FSTL5: variants seen among roughly 807,000 people sequenced by gnomAD.
FSTL5 encodes follistatin like 5, also known as follistatin-related protein 5.
A neutral mutation model predicts 89.1 loss-of-function variants in FSTL5; 62 were observed. The observed-to-expected ratio is 0.70, with a 90% CI of 0.57 to 0.86. The LOEUF (loss-of-function observed/expected upper bound fraction) is 0.86. Among genes scored for constraint, FSTL5 ranks in the 40% least tolerant of loss-of-function variants. The pLI is 0.00. For missense variants in FSTL5, 1,057 were observed against 1,001.6 expected, an observed-to-expected ratio of 1.06 and a Z score of -0.75; for synonymous variants, 383 against 346.2, an observed-to-expected ratio of 1.11 and a Z score of -1.18.
At chr4:162,098,104 C>T (rs943043099) in intron 2 of FSTL5, among the ~76,000 whole-genome samples, 2 of 151,896 alleles carry the variant, frequency 1.3e-5, no homozygotes, top group Non-Finnish European at 2.9e-5. Context: ...GCATAGTTAT[C>T]TACACTGGGT....
intron 15 of FSTL5, among the ~76,000 whole-genome samples, chr4:161,434,287 C>T (rs1016585303): frequency 6.6e-6 from 1 of 151,992 alleles, no homozygotes; most frequent in East Asian, 1.9e-4. Context: ...ACAAAGGTGC[C>T]AAGAACATAC....
rs375756150 is a variant in FSTL5, at chr4:162,153,745, A to ATGTATATATGTATATATGT, written c.-17+9869_-17+9870insACATATATACATATATACA. Among the ~76,000 whole-genome samples the ATGTATATATGTATATATGT allele has an allele frequency of 4.6e-5, 5 of 109,848 alleles. No homozygotes were observed. In the East Asian group the frequency reaches 1.1e-3, roughly 25 times the overall value. The allele number at this position is 109,848 out of a possible 152,430, so 72.1% of individuals were successfully genotyped here. A position where few individuals can be genotyped will look rare whatever the true frequency, so the allele number is the denominator to read the frequency against. ...TAATATATGTATATATGTATATAAT[A>ATGTATATATGTATATATGT]ATATACATGTATATATACATGTATA... On this transcript the variant is annotated intron_variant, in intron 1 of 15. Transcript: ENST00000306100.
At chr4:161,802,023 C>T (rs2126830255) in intron 4 of FSTL5, among the ~76,000 whole-genome samples, 1 of 151,716 alleles carries the variant, frequency 6.6e-6, no homozygotes, top group Non-Finnish European at 1.5e-5. Context: ...ATTGAAAAGT[C>T]TCATGCCTTT....
chr4:161,995,325 T>C (rs1736256602), intron 3 of FSTL5, among the ~76,000 whole-genome samples: 1 of 152,142 alleles, frequency 6.6e-6, no homozygotes, highest in African/African-American at 2.4e-5. Flanking sequence ...TTTTTACAAA[T>C]AAGAAAACTG....
chr4:162,056,030 A>ATTT (rs1251602878), intron 2 of FSTL5, among the ~76,000 whole-genome samples: 6 of 151,986 alleles, frequency 3.9e-5, no homozygotes, highest in African/African-American at 1.2e-4. Context: ...CCAAAGAGTA[A>ATTT]GAAATAATTT....
At chr4:161,500,785 G>T (rs528656470) in intron 11 of FSTL5, among the ~76,000 whole-genome samples, 3 of 151,886 alleles carry the variant, frequency 2.0e-5, no homozygotes, top group African/African-American at 7.3e-5. Context: ...TTCACACTAC[G>T]GATCTGGATG....
chr4:161,403,846 A>G (rs1731268325), intron 15 of FSTL5, among the ~76,000 whole-genome samples: 1 of 152,236 alleles, frequency 6.6e-6, no homozygotes, highest in Non-Finnish European at 1.5e-5. Context: ...AGACTGCCAG[A>G]GTCAACTTTG....
intron 5 of FSTL5, among the ~76,000 whole-genome samples, chr4:161,769,059 G>A (rs1221152344): frequency 2.0e-5 from 3 of 151,816 alleles, no homozygotes; most frequent in African/African-American, 4.8e-5. Flanking sequence ...GCCCCTATGA[G>A]CAACTATATG....
At chr4:161,697,904 A>G (rs528515632) in intron 6 of FSTL5, among the ~76,000 whole-genome samples, 1 of 152,132 alleles carries the variant, frequency 6.6e-6, no homozygotes, top group Admixed American at 6.6e-5. Context: ...ATCAAGAATG[A>G]GGACACTGTC....
chr4:161,572,800 A>C (rs1733065624), intron 8 of FSTL5, among the ~76,000 whole-genome samples: 1 of 152,184 alleles, frequency 6.6e-6, no homozygotes, highest in Non-Finnish European at 1.5e-5. Context: ...GAACTCTACC[A>C]ACCCACAATC....
chr4:161,640,725 A>C (rs780743703), intron 7 of FSTL5, among the ~76,000 whole-genome samples: 12 of 134,204 alleles, frequency 8.9e-5, no homozygotes, highest in Admixed American at 5.5e-4. Flanking sequence ...GAAGGAGAAG[A>C]AGCAGAGAAA....
chr4:162,118,299 C>A (rs1369195805), intron 1 of FSTL5, among the ~76,000 whole-genome samples: 1 of 151,788 alleles, frequency 6.6e-6, no homozygotes, highest in Non-Finnish European at 1.5e-5. Flanking sequence ...CTCGCTCTGT[C>A]GCCCAGGCTG....
chr4:162,048,685 T>C (rs2111251882), intron 2 of FSTL5, among the ~76,000 whole-genome samples: 1 of 152,178 alleles, frequency 6.6e-6, no homozygotes, highest in South Asian at 2.1e-4. Context: ...CTTTTGTTGA[T>C]TTCAAGTAGA....
chr4:162,104,145 G>T (rs1387352859), intron 2 of FSTL5, among the ~76,000 whole-genome samples: 1 of 152,224 alleles, frequency 6.6e-6, no homozygotes, highest in Non-Finnish European at 1.5e-5. Flanking sequence ...GGTATCTGCT[G>T]TGCTCCTGAT....
intron 7 of FSTL5, 28 bp downstream of exon 7, chr4:161,656,300 T>G: frequency 7.8e-7 from 1 of 1,282,190 alleles, no homozygotes; most frequent in Non-Finnish European, 1.1e-6. Context: ...ATATATATAT[T>G]ATAAAGCAAC....
rs534030071 is a variant in FSTL5, at chr4:161,842,757, T to C, written c.410-66683A>G. Among the ~76,000 whole-genome samples, 10 of 152,280 alleles carry C rather than the reference T, an allele frequency of 6.6e-5. No individual in the cohort carries two copies. In the South Asian group the frequency reaches 2.1e-3, roughly 32 times the overall value. On this transcript the variant is annotated intron_variant, in intron 4 of 15. Coordinates refer to ENST00000306100, the MANE Select transcript of FSTL5 (RefSeq NM_020116.5). The stretch of plus-strand genomic sequence containing the variant: ...CTGTAAGCAATAAGTAGTCATTTTA[T>C]TTATTCTAATACTTTTCTCTGAAGT...
At chr4:161,842,504 C>G (rs1731242433) in intron 4 of FSTL5, among the ~76,000 whole-genome samples, 1 of 152,034 alleles carries the variant, frequency 6.6e-6, no homozygotes, top group African/African-American at 2.4e-5. Flanking sequence ...CATTTTATTT[C>G]AAGTCTATCA....
intron 4 of FSTL5, 61 bp downstream of exon 4, chr4:161,920,343 C>T: frequency 6.5e-7 from 1 of 1,532,272 alleles, no homozygotes. Flanking sequence ...AGTTTAAAGG[C>T]ACTAGTTGAG....
chr4:161,952,218 T>C (rs1734914979), intron 3 of FSTL5, among the ~76,000 whole-genome samples: 1 of 152,016 alleles, frequency 6.6e-6, no homozygotes, highest in South Asian at 2.1e-4. Context: ...CTCTTCTCTC[T>C]CTTTTTGATA....
Sources: gnomAD v4.1 joint callset for allele counts (sites outside exome capture counted in the v4.1 genomes callset) on GRCh38, gnomAD v4.1.1 for gene constraint, MANE v1.5 for transcripts, NCBI Gene and HGNC (gene_info 2026-07-23, HGNC 2026-07-21) for gene names.